IPCEF1: variants seen among roughly 807,000 people sequenced by gnomAD.
The protein encoded by IPCEF1 is interaction protein for cytohesin exchange factors 1.
A neutral mutation model predicts 50.9 loss-of-function variants in IPCEF1; 31 were observed. The ratio of observed to expected loss-of-function variants is 0.61; its 90% CI spans 0.46 to 0.82. IPCEF1 has a LOEUF of 0.82. Ranked by LOEUF, IPCEF1 falls within the 40% of genes least tolerant of loss-of-function variation. The probability of loss-of-function intolerance (pLI) is 0.00; values close to 1 mark genes in which losing one functional copy is unlikely to be tolerated. For synonymous variants in IPCEF1, 181 were observed against 192.0 expected, an observed-to-expected ratio of 0.94 and a Z score of 0.47; for missense variants, 458 against 514.0, an observed-to-expected ratio of 0.89 and a Z score of 1.05.
chr6:154,155,781 A>T lies in IPCEF1; in HGVS notation c.*4047T>A, dbSNP rs1798688556. On this transcript the variant is annotated 3_prime_UTR_variant, in exon 12 of 12. Coordinates refer to ENST00000367220, the MANE Select transcript of IPCEF1 (RefSeq NM_001130700.2). ...GGGCAACAGAGCAAGACTCTGTCTA[A>T]AAAAAGAAAAAAAAAAGTATTTCTT... 2 of 152,246 alleles carry T rather than the reference A, an allele frequency of 1.3e-5. No homozygotes were observed. The highest frequency in any genetic ancestry group is 4.8e-5 in the African/African-American group (2 of 41,420). The allele number at this position is 152,246 out of a possible 1,614,324, so 9.4% of individuals were successfully genotyped here. A position where few individuals can be genotyped will look rare whatever the true frequency, so the allele number is the denominator to read the frequency against.
intron 5 of IPCEF1, among the ~76,000 whole-genome samples, chr6:154,238,127 TAGTG>T (rs1780285588): frequency 6.6e-6 from 1 of 152,250 alleles, no homozygotes; most frequent in South Asian, 2.1e-4. Context: ...ATGTATTACT[TAGTG>T]AGACAATCAA....
intron 5 of IPCEF1, among the ~76,000 whole-genome samples, chr6:154,230,712 A>G (rs1388125195): frequency 2.0e-5 from 3 of 152,192 alleles, no homozygotes; most frequent in Admixed American, 1.3e-4. Flanking sequence ...TTTCAATGAA[A>G]CCATAGTTCC....
intron 2 of IPCEF1, among the ~76,000 whole-genome samples, chr6:154,268,934 T>G (rs560967391): frequency 6.6e-6 from 1 of 152,198 alleles, no homozygotes. Flanking sequence ...TCCCCTTTTA[T>G]AGCCTCTCAC....
intron 5 of IPCEF1, among the ~76,000 whole-genome samples, chr6:154,234,051 T>C (rs573693309): frequency 6.6e-6 from 1 of 152,158 alleles, no homozygotes; most frequent in East Asian, 1.9e-4. Context: ...CTTAAAAACA[T>C]ACAAAAATTA....
intron 2 of IPCEF1, among the ~76,000 whole-genome samples, chr6:154,273,748 T>TCAA: frequency 1.4e-5 from 1 of 69,908 alleles, no homozygotes; most frequent in East Asian, 7.1e-4. Context: ...TTTTTTTTTT[T>TCAA]TTTTTTTTTT....
chr6:154,264,748 G>A (rs551548091), intron 3 of IPCEF1, among the ~76,000 whole-genome samples: 4 of 152,062 alleles, frequency 2.6e-5, no homozygotes, highest in East Asian at 1.9e-4. Context: ...AATGAGCACC[G>A]GAATTAAAGT....
intron 9 of IPCEF1, among the ~76,000 whole-genome samples, chr6:154,200,810 G>A (rs1777006886): frequency 6.6e-6 from 1 of 152,158 alleles, no homozygotes; most frequent in African/African-American, 2.4e-5. Context: ...ACTCCTTAGT[G>A]CATGAAAAGC....
chr6:154,274,054 C>CTT (rs564831205), intron 2 of IPCEF1, among the ~76,000 whole-genome samples: 1 of 142,384 alleles, frequency 7.0e-6, no homozygotes. Context: ...TGCCTGGCTG[C>CTT]TTTTTTTTTT....
chr6:154,171,919 T>C (rs1433433401), intron 10 of IPCEF1, among the ~76,000 whole-genome samples: 1 of 152,208 alleles, frequency 6.6e-6, no homozygotes, highest in African/African-American at 2.4e-5. Context: ...ACACATAGCT[T>C]TCAATACCAC....
chr6:154,219,314 T>C (rs900532184), intron 7 of IPCEF1: 1 of 152,308 alleles, frequency 6.6e-6, no homozygotes, highest in African/African-American at 2.4e-5. Context: ...CACTCACCTC[T>C]TGCTGGAGAG....
intron 7 of IPCEF1, among the ~76,000 whole-genome samples, chr6:154,215,498 C>T (rs1440667970): frequency 1.3e-5 from 2 of 152,006 alleles, no homozygotes; most frequent in Admixed American, 6.6e-5. Flanking sequence ...CCCAGCTACT[C>T]GGGAGTCTGA....
At chr6:154,328,675 C>G (rs1316317073) in intron 1 of IPCEF1, among the ~76,000 whole-genome samples, 6 of 151,974 alleles carry the variant, frequency 3.9e-5, no homozygotes, top group South Asian at 4.1e-4. Context: ...TCTCCTCTTT[C>G]TCTCCTCTCT....
intron 1 of IPCEF1, among the ~76,000 whole-genome samples, chr6:154,352,414 T>G (rs1784133622): frequency 6.6e-6 from 1 of 152,222 alleles, no homozygotes; most frequent in Non-Finnish European, 1.5e-5. Context: ...TTGACTTAGT[T>G]TTCCTTGACG....
intron 9 of IPCEF1, among the ~76,000 whole-genome samples, chr6:154,202,548 C>A (rs939748923): frequency 6.6e-6 from 1 of 152,010 alleles, no homozygotes; most frequent in Admixed American, 6.6e-5. Flanking sequence ...TTCCTTTTTT[C>A]GAAACAACAC....
At chr6:154,224,743 A>C (rs1162219893) in intron 5 of IPCEF1, among the ~76,000 whole-genome samples, 2 of 152,092 alleles carry the variant, frequency 1.3e-5, no homozygotes, top group Admixed American at 1.3e-4. Context: ...AAAGAGATTC[A>C]AAACTCAATT....
At chr6:154,343,709 T>C (rs1300979174) in intron 1 of IPCEF1, among the ~76,000 whole-genome samples, 1 of 152,252 alleles carries the variant, frequency 6.6e-6, no homozygotes, top group Non-Finnish European at 1.5e-5. Context: ...GAAATTATTT[T>C]AGGCAGATAG....
intron 3 of IPCEF1, among the ~76,000 whole-genome samples, chr6:154,248,016 A>G (rs892429203): frequency 1.3e-5 from 2 of 152,190 alleles, no homozygotes; most frequent in Admixed American, 1.3e-4. Context: ...CCAGAAAATG[A>G]AATTCCACAA....
chr6:154,186,848 G>A (rs1037110176), intron 10 of IPCEF1, among the ~76,000 whole-genome samples: 1 of 151,988 alleles, frequency 6.6e-6, no homozygotes, highest in Non-Finnish European at 1.5e-5. Context: ...GAGCCACCAC[G>A]CCCGGCCCAG....
At chr6:154,216,229 A>T (rs550786882) in intron 7 of IPCEF1, among the ~76,000 whole-genome samples, 2 of 152,316 alleles carry the variant, frequency 1.3e-5, no homozygotes, top group African/African-American at 2.4e-5. Flanking sequence ...AAGAAAATGG[A>T]TAAATAAATT....
Sources: gnomAD v4.1 joint callset for allele counts (sites outside exome capture counted in the v4.1 genomes callset) on GRCh38, gnomAD v4.1.1 for gene constraint, MANE v1.5 for transcripts, NCBI Gene and HGNC (gene_info 2026-07-23, HGNC 2026-07-21) for gene names.